The following RANBP2 variants were observed in gnomAD, a reference collection of about 807,000 sequenced individuals.
RANBP2 encodes the protein RAN binding protein 2, also known as E3 SUMO-protein ligase RanBP2.
Under a neutral mutation model 303.6 loss-of-function variants are expected in RANBP2, and 57 were observed. The ratio of observed to expected loss-of-function variants is 0.19; its 90% confidence interval spans 0.15 to 0.23. RANBP2 has a LOEUF of 0.23. RANBP2 is among the 10% of genes least tolerant of loss of function. The pLI, the probability that RANBP2 is intolerant of heterozygous loss-of-function variation, is 1.00. For missense variants in RANBP2, 3,138 were observed against 3,780.8 expected (o/e 0.83, Z 4.46); for synonymous variants, 1,167 against 1,301.5 (o/e 0.90, Z 2.23).
the RANBP2 span, among the ~76,000 whole-genome samples, chr2:109,097,185 T>C: frequency 6.6e-6 from 1 of 152,138 alleles, no homozygotes; most frequent in South Asian, 2.1e-4. Flanking sequence ...GTGCCTGTAG[T>C]CCCAGCTACT....
the RANBP2 span, among the ~76,000 whole-genome samples, chr2:109,743,824 G>T: frequency 1.1e-5 from 1 of 90,936 alleles, no homozygotes; most frequent in African/African-American, 3.0e-5. Flanking sequence ...CCATCTTTAC[G>T]TCCATGAGTA....
the RANBP2 span, chr2:109,545,413 T>C: frequency 1.3e-6 from 2 of 1,535,956 alleles, no homozygotes; most frequent in South Asian, 1.2e-5. Flanking sequence ...GCGATTATCA[T>C]CCACATGCTA....
At chr2:109,071,670 T>A in the RANBP2 span, among the ~76,000 whole-genome samples, 1 of 119,412 alleles carries the variant, frequency 8.4e-6, no homozygotes, top group Non-Finnish European at 1.9e-5. Flanking sequence ...CAAGACTCTA[T>A]CTCAAAAAAA....
At chr2:108,942,739 C>A in the RANBP2 span, among the ~76,000 whole-genome samples, 7 of 152,360 alleles carry the variant, frequency 4.6e-5, no homozygotes. Flanking sequence ...CGCTCCCAGG[C>A]ACCACCCTGG....
the RANBP2 span, among the ~76,000 whole-genome samples, chr2:108,991,471 T>G: frequency 3.5e-4 from 53 of 152,304 alleles, no homozygotes; most frequent in Admixed American, 1.4e-3. Context: ...TGTTCTAAAT[T>G]TAGAACAAAT....
chr2:109,412,019 A>T, the RANBP2 span, among the ~76,000 whole-genome samples: 1 of 152,104 alleles, frequency 6.6e-6, no homozygotes, highest in Non-Finnish European at 1.5e-5. Flanking sequence ...GGCAGCTCCC[A>T]CTGTCCACAC....
the RANBP2 span, among the ~76,000 whole-genome samples, chr2:109,473,242 C>A: frequency 1.3e-5 from 2 of 152,210 alleles, no homozygotes; most frequent in Admixed American, 1.3e-4. Context: ...TGGCCCCATT[C>A]GACGCCTGGG....
the RANBP2 span, among the ~76,000 whole-genome samples, chr2:109,569,967 CATCTT>C: frequency 6.6e-6 from 1 of 152,060 alleles, no homozygotes; most frequent in Non-Finnish European, 1.5e-5. Context: ...CACCACCTCT[CATCTT>C]TATGTAGTGC....
chr2:108,857,751 T>C, the RANBP2 span, among the ~76,000 whole-genome samples: 3 of 152,200 alleles, frequency 2.0e-5, no homozygotes, highest in African/African-American at 2.4e-5. Flanking sequence ...GTTAGTGAAC[T>C]GAGGGATCCA....
the RANBP2 span, among the ~76,000 whole-genome samples, chr2:109,375,867 G>A: frequency 6.6e-6 from 1 of 152,236 alleles, no homozygotes. Flanking sequence ...CAGCCCATGG[G>A]CAGTTCAGGG....
the RANBP2 span, among the ~76,000 whole-genome samples, chr2:109,410,566 C>T: frequency 7.2e-5 from 11 of 152,218 alleles, no homozygotes; most frequent in Admixed American, 7.2e-4. Flanking sequence ...GTGAAATGCT[C>T]ACAGGCTGTG....
At chr2:109,031,532 C>G in the RANBP2 span, among the ~76,000 whole-genome samples, 11 of 152,250 alleles carry the variant, frequency 7.2e-5, no homozygotes, top group Admixed American at 6.5e-4. Context: ...CTCTGCCCGC[C>G]TCGCCGGGCT....
the RANBP2 span, among the ~76,000 whole-genome samples, chr2:109,040,336 C>A: frequency 6.6e-6 from 1 of 152,210 alleles, no homozygotes; most frequent in Non-Finnish European, 1.5e-5. Context: ...TAATAATACA[C>A]TGACTTCATT....
At chr2:109,390,629 G>T in the RANBP2 span, among the ~76,000 whole-genome samples, 1 of 152,194 alleles carries the variant, frequency 6.6e-6, no homozygotes, top group Non-Finnish European at 1.5e-5. Flanking sequence ...CTATGACAAA[G>T]GTGCAAGTGG....
intron 8 of RANBP2, among the ~76,000 whole-genome samples, chr2:108,748,699 C>T (rs1192532063): frequency 2.6e-5 from 4 of 151,996 alleles, no homozygotes; most frequent in African/African-American, 9.7e-5. Context: ...TGTCTTTTTT[C>T]CCCCTTCTGC....
chr2:109,385,239 A>G, the RANBP2 span, among the ~76,000 whole-genome samples: 1 of 152,332 alleles, frequency 6.6e-6, no homozygotes, highest in Non-Finnish European at 1.5e-5. Context: ...AAGGGTTCTT[A>G]GGAGGATTAA....
chr2:109,702,435 T>C, the RANBP2 span, among the ~76,000 whole-genome samples: 5 of 152,202 alleles, frequency 3.3e-5, no homozygotes, highest in Non-Finnish European at 7.4e-5. Flanking sequence ...GTCCAACCTA[T>C]GTTCCATGGC....
At chr2:109,088,233 C>T in the RANBP2 span, among the ~76,000 whole-genome samples, 3 of 151,896 alleles carry the variant, frequency 2.0e-5, no homozygotes, top group Non-Finnish European at 4.4e-5. Flanking sequence ...CTCATCTCTA[C>T]TAAAAATACA....
chr2:108,799,834 G>T, the RANBP2 span, among the ~76,000 whole-genome samples: 1 of 151,874 alleles, frequency 6.6e-6, no homozygotes, highest in African/African-American at 2.4e-5. Flanking sequence ...GTGTTCTTCA[G>T]ATAGTTTCTT....
Sources: allele counts gnomAD v4.1 joint callset (sites outside exome capture counted in the v4.1 genomes callset), GRCh38; gene constraint gnomAD v4.1.1; transcripts MANE v1.5; gene names NCBI Gene and HGNC (gene_info 2026-07-23, HGNC 2026-07-21).